Variants in DISC1 observed in about 807,000 individuals in gnomAD.
DISC1 encodes the protein disrupted in schizophrenia 1 protein.
A neutral mutation model predicts 84.5 loss-of-function variants in DISC1; 57 were observed. That is an observed-to-expected ratio of 0.67 (90% CI 0.55 to 0.84). The LOEUF (loss-of-function observed/expected upper bound fraction) is 0.84, where lower values mean the gene tolerates loss of function less well. Ranked by LOEUF, DISC1 falls within the 40% of genes least tolerant of loss-of-function variation. DISC1 has a pLI of 0.00. For missense variants in DISC1, 1,000 were observed against 1,057.8 expected, an observed-to-expected ratio of 0.95 and a Z score of 0.76; for synonymous variants, 411 against 415.2, an observed-to-expected ratio of 0.99 and a Z score of 0.12.
At chr1:231,692,801 C>T (rs2065205807) in intron 1 of DISC1, among the ~76,000 whole-genome samples, 1 of 152,212 alleles carries the variant, frequency 6.6e-6, no homozygotes, top group Non-Finnish European at 1.5e-5. Flanking sequence ...GTCAAGTTCT[C>T]TGAATCTCAG....
At chr1:232,019,325 G>A (rs1668744039) in intron 11 of DISC1, among the ~76,000 whole-genome samples, 1 of 152,108 alleles carries the variant, frequency 6.6e-6, no homozygotes, top group Admixed American at 6.5e-5. Context: ...TTATTCCTAG[G>A]GTTAAATGAT....
chr1:231,839,593 G>T (rs957265347), intron 9 of DISC1, among the ~76,000 whole-genome samples: 4 of 152,126 alleles, frequency 2.6e-5, no homozygotes, highest in African/African-American at 9.7e-5. Context: ...CTTGGTTTCT[G>T]TATCCTCCAC....
intron 9 of DISC1, among the ~76,000 whole-genome samples, chr1:231,898,794 G>A (rs537913827): frequency 3.9e-5 from 6 of 152,040 alleles, no homozygotes; most frequent in Admixed American, 6.5e-5. Context: ...TTACCTGGGC[G>A]TGGTGGCGTA....
At chr1:231,734,633 A>G (rs2812395) in intron 3 of DISC1, among the ~76,000 whole-genome samples, 101,610 of 152,008 alleles carry the variant, frequency 0.67, 35,641 homozygotes, top group Non-Finnish European at 0.78. Context: ...TTACTTGGCA[A>G]ATTCTTGCTG....
intron 10 of DISC1, among the ~76,000 whole-genome samples, chr1:231,976,574 A>G (rs1256437595): frequency 1.3e-5 from 2 of 152,180 alleles, no homozygotes; most frequent in Admixed American, 6.5e-5. Flanking sequence ...CATCCTGGGG[A>G]AAAAGACTAT....
At chr1:231,945,852 A>G (rs549153123) in intron 9 of DISC1, among the ~76,000 whole-genome samples, 1 of 152,372 alleles carries the variant, frequency 6.6e-6, no homozygotes, top group African/African-American at 2.4e-5. Flanking sequence ...CAAATGAACT[A>G]GAAAATCTGG....
intron 6 of DISC1, among the ~76,000 whole-genome samples, chr1:231,791,800 T>G (rs2078372588): frequency 1.3e-5 from 2 of 152,212 alleles, no homozygotes; most frequent in Admixed American, 1.3e-4. Context: ...GAACTGGTCT[T>G]ATTTTCTGGT....
chr1:231,906,019 CTTTT>C (rs5781677), intron 9 of DISC1, among the ~76,000 whole-genome samples: 1 of 76,968 alleles, frequency 1.3e-5, no homozygotes, highest in Non-Finnish European at 2.4e-5. Flanking sequence ...GAGGTCATGG[CTTTT>C]TTTTTTTTTT....
chr1:231,711,344 T>G (rs559509158), intron 3 of DISC1, among the ~76,000 whole-genome samples: 12 of 151,362 alleles, frequency 7.9e-5, no homozygotes, highest in Admixed American at 5.9e-4. Flanking sequence ...TATTTTTGTA[T>G]GAGGACATAT....
intron 6 of DISC1, among the ~76,000 whole-genome samples, chr1:231,778,240 A>G (rs1244785135): frequency 6.6e-6 from 1 of 152,168 alleles, no homozygotes; most frequent in Non-Finnish European, 1.5e-5. Flanking sequence ...TGAGAGGAAG[A>G]GAAACTGGAA....
At chr1:231,726,690 C>A (rs564808563) in intron 3 of DISC1, among the ~76,000 whole-genome samples, 6 of 152,290 alleles carry the variant, frequency 3.9e-5, no homozygotes, top group African/African-American at 1.2e-4. Context: ...TAGTATCACC[C>A]CAGAATGTGT....
intron 8 of DISC1, among the ~76,000 whole-genome samples, chr1:231,802,420 T>C (rs889349295): frequency 1.3e-5 from 2 of 152,170 alleles, no homozygotes; most frequent in Non-Finnish European, 2.9e-5. Flanking sequence ...GTAAGTTTCT[T>C]GAGGCCTTCC....
chr1:232,008,690 C>T, intron 10 of DISC1, 95 bp from the exon 11 acceptor site: 2 of 1,401,450 alleles, frequency 1.4e-6, no homozygotes, highest in South Asian at 1.5e-5. Context: ...TATAAGATGA[C>T]CAGCTGACTT....
Position 231,694,321 on chromosome 1 carries a change from G to T in DISC1, c.563G>T (p.Ser188Ile). 1 of 1,614,272 alleles carries T rather than the reference G, an allele frequency of 6.2e-7. No homozygotes were observed. The highest frequency in any genetic ancestry group is 1.1e-5 in the South Asian group (1 of 91,090). The change falls in exon 2 of 13, where the codon AGC (serine) becomes ATC (isoleucine). Residue 188 changes from serine (S) to isoleucine (I), a missense_variant. This residue lies in a region of DISC1 where 292 missense variants were observed against 280.2 expected (regional missense o/e 1.04). Coordinates refer to ENST00000439617, the MANE Select transcript of DISC1 (RefSeq NM_018662.3). The part of the protein sequence containing the change: ...PSAELSSNSC[S>I]PGCGPEVPPT... ...GCAGAGTTGAGTAGCAACAGCTGCA[G>T]CCCTGGCTGTGGCCCTGAGGTCCCC...
intron 9 of DISC1, among the ~76,000 whole-genome samples, chr1:231,932,322 A>G (rs2090715952): frequency 6.6e-6 from 1 of 152,232 alleles, no homozygotes; most frequent in South Asian, 2.1e-4. Flanking sequence ...GTTTAAGACC[A>G]ATATTTGTCC....
intron 2 of DISC1, among the ~76,000 whole-genome samples, chr1:231,699,098 A>G (rs1486335221): frequency 6.6e-6 from 1 of 152,174 alleles, no homozygotes; most frequent in Non-Finnish European, 1.5e-5. Flanking sequence ...CCATCTGAAC[A>G]TATGATCCCC....
At chr1:231,990,389 C>G (rs1241302114) in intron 10 of DISC1, among the ~76,000 whole-genome samples, 1 of 151,998 alleles carries the variant, frequency 6.6e-6, no homozygotes, top group Non-Finnish European at 1.5e-5. Flanking sequence ...TCATCCCCCA[C>G]CCCACCCAGG....
At chr1:231,672,578 T>C (rs1323046043) in intron 1 of DISC1, among the ~76,000 whole-genome samples, 1 of 152,186 alleles carries the variant, frequency 6.6e-6, no homozygotes, top group Non-Finnish European at 1.5e-5. Context: ...TGTGCTGTCC[T>C]TAGTATATTT....
rs1187528763 is a variant in DISC1, at chr1:231,900,368, G to A, written c.1982-58460G>A. On this transcript the variant is annotated intron_variant, in intron 9 of 12. Coordinates refer to ENST00000439617, the MANE Select transcript of DISC1 (RefSeq NM_018662.3). ...AATTTTATCACAAGAAGCAGTGGGT[G>A]CAGTTAGAAAAAGTCATCTAGATCT... Among the ~76,000 whole-genome samples, 4 of 152,346 alleles carry A rather than the reference G, an allele frequency of 2.6e-5. No individual in the cohort carries two copies. The South Asian group carries it at 8.3e-4, about 32-fold the overall frequency.
Sources: gnomAD v4.1 joint callset for allele counts (sites outside exome capture counted in the v4.1 genomes callset) on GRCh38, gnomAD v4.1.1 for gene constraint, gnomAD v4.1.1 regional missense constraint, MANE v1.5 for transcripts, NCBI Gene and HGNC (gene_info 2026-07-23, HGNC 2026-07-21) for gene names.